The following THSD7A variants were observed in gnomAD, a reference collection of about 807,000 sequenced individuals.
The protein encoded by THSD7A is thrombospondin type-1 domain-containing protein 7A.
A neutral mutation model predicts 231.3 loss-of-function variants in THSD7A; 96 were observed. The observed-to-expected ratio is 0.41, with a 90% CI of 0.35 to 0.49. The LOEUF (loss-of-function observed/expected upper bound fraction) is 0.49, where lower values mean the gene tolerates loss of function less well. Ranked by LOEUF, THSD7A falls within the 20% of genes least tolerant of loss-of-function variation. The probability of loss-of-function intolerance (pLI) is 0.05; values close to 1 mark genes in which losing one functional copy is unlikely to be tolerated. For missense variants in THSD7A, 2,290 were observed against 2,070.2 expected (o/e 1.11, Z -2.06); for synonymous variants, 940 against 743.3 (o/e 1.26, Z -4.30).
rs942406372 is a variant in THSD7A, at chr7:11,374,456, T to C, written c.*1338A>G. ...TGCCAGTGAGAAAGGCAAAAGACTATGGATTTTGAAATAACTGCCTGCAAG... is the reference window on the plus strand; with the variant it reads ...TGCCAGTGAGAAAGGCAAAAGACTACGGATTTTGAAATAACTGCCTGCAAG... On this transcript the variant is annotated 3_prime_UTR_variant, in exon 28 of 28. Transcript: ENST00000423059. 1.3e-5 allele frequency: 2 copies of C among 152,084 alleles called. No homozygotes were observed. The highest frequency in any genetic ancestry group is 1.3e-4 in the Admixed American group (2 of 15,238). The allele number at this position is 152,084 out of a possible 1,614,324, so 9.4% of individuals were successfully genotyped here.
At chr7:11,384,710 C>G (rs1782662425) in intron 23 of THSD7A, 1 of 151,914 alleles carries the variant, frequency 6.6e-6, no homozygotes, top group Admixed American at 6.6e-5. Flanking sequence ...AATTGTTGAT[C>G]AATTACCCTT....
At chr7:11,815,413 T>C (rs1784658786) in intron 1 of THSD7A, among the ~76,000 whole-genome samples, 1 of 152,054 alleles carries the variant, frequency 6.6e-6, no homozygotes, top group African/African-American at 2.4e-5. Context: ...CTCATTTGTA[T>C]TCCCTTTCAC....
intron 1 of THSD7A, among the ~76,000 whole-genome samples, chr7:11,793,175 G>A (rs1039563264): frequency 1.2e-4 from 18 of 151,416 alleles, no homozygotes; most frequent in African/African-American, 4.4e-4. Flanking sequence ...AATTAAAAGG[G>A]GTAAAAAAAT....
intron 2 of THSD7A, among the ~76,000 whole-genome samples, chr7:11,608,044 T>G (rs1235712375): frequency 6.6e-6 from 1 of 152,096 alleles, no homozygotes. Flanking sequence ...AGTGAATGCT[T>G]GCATGCAGCT....
chr7:11,801,581 T>C (rs1436388835), intron 1 of THSD7A, among the ~76,000 whole-genome samples: 1 of 152,170 alleles, frequency 6.6e-6, no homozygotes, highest in Admixed American at 6.5e-5. Context: ...GTAGTCTATA[T>C]TATTAAGTTA....
At chr7:11,533,924 G>C (rs6946819) in intron 6 of THSD7A, among the ~76,000 whole-genome samples, 9,078 of 152,202 alleles carry the variant, frequency 0.06, 406 homozygotes, top group East Asian at 0.18. Flanking sequence ...AGAAATGGCT[G>C]AATGCTTCCT....
At chr7:11,601,718 C>T (rs571966758) in intron 2 of THSD7A, among the ~76,000 whole-genome samples, 9 of 152,190 alleles carry the variant, frequency 5.9e-5, no homozygotes, top group South Asian at 2.1e-4. Context: ...AGACTGATGA[C>T]GGTGTGACTT....
At chr7:11,754,297 G>C (rs564111560) in intron 1 of THSD7A, among the ~76,000 whole-genome samples, 13 of 152,110 alleles carry the variant, frequency 8.5e-5, no homozygotes, top group Non-Finnish European at 8.8e-5. Flanking sequence ...GAGAACTCGA[G>C]GTAAGAGGAT....
intron 1 of THSD7A, among the ~76,000 whole-genome samples, chr7:11,653,105 A>G (rs940656883): frequency 6.6e-6 from 1 of 151,912 alleles, no homozygotes; most frequent in African/African-American, 2.4e-5. Context: ...ATTTCTCACC[A>G]TCTGCATCTT....
intron 1 of THSD7A, among the ~76,000 whole-genome samples, chr7:11,709,827 C>T (rs1393929878): frequency 1.3e-5 from 2 of 150,692 alleles, no homozygotes; most frequent in Admixed American, 1.3e-4. Context: ...GAAATTCCTG[C>T]CAGTTAAAGC....
chr7:11,818,129 A>G lies in THSD7A; in HGVS notation c.190+13628T>C, dbSNP rs539025855. ...CTGATACCACTTCTTCTCTGGTGCAATAGAGAACATACCTACAAACACATC... is the reference window on the plus strand; with the variant it reads ...CTGATACCACTTCTTCTCTGGTGCAGTAGAGAACATACCTACAAACACATC... On this transcript the variant is annotated intron_variant, in intron 1 of 27. Transcript: ENST00000423059. Among the ~76,000 whole-genome samples, 10 of 152,314 alleles carry G rather than the reference A, an allele frequency of 6.6e-5. No individual in the cohort carries two copies. In the South Asian group the frequency reaches 2.1e-3, roughly 32 times the overall value.
At chr7:11,739,469 G>A (rs189011830) in intron 1 of THSD7A, among the ~76,000 whole-genome samples, 123 of 152,002 alleles carry the variant, frequency 8.1e-4, no homozygotes, top group African/African-American at 2.8e-3. Context: ...TGAAGAAAGT[G>A]GAAATGGAGA....
At chr7:11,737,249 T>C (rs1781947245) in intron 1 of THSD7A, among the ~76,000 whole-genome samples, 2 of 151,990 alleles carry the variant, frequency 1.3e-5, no homozygotes. Context: ...GAAGGTCAGA[T>C]CAGACTGAGA....
intron 11 of THSD7A, among the ~76,000 whole-genome samples, chr7:11,457,125 T>C (rs959535814): frequency 6.6e-6 from 1 of 152,062 alleles, no homozygotes; most frequent in Non-Finnish European, 1.5e-5. Flanking sequence ...TTAGAGTTCT[T>C]AGCTTTTTTA....
At chr7:11,422,083 A>C (rs2023868) in intron 16 of THSD7A, among the ~76,000 whole-genome samples, 1 of 151,940 alleles carries the variant, frequency 6.6e-6, no homozygotes, top group Non-Finnish European at 1.5e-5. Flanking sequence ...CAAGTTGTAG[A>C]CAAAGGGTTG....
intron 4 of THSD7A, among the ~76,000 whole-genome samples, chr7:11,549,781 TG>T (rs375107273): frequency 7.4e-6 from 1 of 134,530 alleles, no homozygotes; most frequent in Non-Finnish European, 1.6e-5. Context: ...GGAGTGTGGT[TG>T]GGGGGAGCAT....
chr7:11,792,699 C>T (rs1783995058), intron 1 of THSD7A, among the ~76,000 whole-genome samples: 1 of 151,882 alleles, frequency 6.6e-6, no homozygotes, highest in East Asian at 1.9e-4. Context: ...CAATCCAAAG[C>T]AAACGAAACA....
chr7:11,772,593 C>G (rs1026361705), intron 1 of THSD7A, among the ~76,000 whole-genome samples: 1 of 152,116 alleles, frequency 6.6e-6, no homozygotes, highest in African/African-American at 2.4e-5. Context: ...GGCCATTATC[C>G]TAAGCAATTA....
chr7:11,546,200 G>GCACACACA (rs1554335284), intron 4 of THSD7A, among the ~76,000 whole-genome samples: 1 of 40,824 alleles, frequency 2.4e-5, no homozygotes, highest in African/African-American at 1.3e-4. Context: ...GTGTGGGCGC[G>GCACACACA]CGCTCACACA....
Sources: allele counts gnomAD v4.1 joint callset (sites outside exome capture counted in the v4.1 genomes callset), GRCh38; gene constraint gnomAD v4.1.1; transcripts MANE v1.5; gene names NCBI Gene and HGNC (gene_info 2026-07-23, HGNC 2026-07-21).